The following MYO18B variants were observed in gnomAD, a reference collection of about 807,000 sequenced individuals.
MYO18B encodes unconventional myosin-XVIIIb.
A neutral mutation model predicts 273.0 loss-of-function variants in MYO18B; 204 were observed. The ratio of observed to expected loss-of-function variants is 0.75; its 90% CI spans 0.67 to 0.84. The LOEUF is 0.84. Among genes scored for constraint, MYO18B ranks in the 40% least tolerant of loss-of-function variants. MYO18B has a pLI of 0.00. For synonymous variants in MYO18B, 1,330 were observed against 1,305.7 expected (o/e 1.02, Z -0.40); for missense variants, 3,212 against 3,287.6 (o/e 0.98, Z 0.56).
chr22:25,783,141 G>A (rs1324381074), intron 10 of MYO18B, among the ~76,000 whole-genome samples: 3 of 152,180 alleles, frequency 2.0e-5, no homozygotes, highest in African/African-American at 7.2e-5. Flanking sequence ...GTGTGTTCTT[G>A]TTTTTGGAGG....
chr22:25,771,785 T>A (rs183819102), intron 6 of MYO18B, among the ~76,000 whole-genome samples: 1 of 152,342 alleles, frequency 6.6e-6, no homozygotes, highest in East Asian at 1.9e-4. Context: ...AGGACGCCTC[T>A]TAGAACAGAT....
intron 34 of MYO18B, among the ~76,000 whole-genome samples, chr22:25,932,204 A>G (rs912927693): frequency 9.2e-5 from 14 of 152,310 alleles, no homozygotes; most frequent in Middle Eastern, 3.4e-3. Context: ...ACCCAGATTC[A>G]TCAACTTTTA....
At chr22:25,980,112 T>C (rs183487126) in intron 39 of MYO18B, among the ~76,000 whole-genome samples, 84 of 152,250 alleles carry the variant, frequency 5.5e-4, no homozygotes, top group Non-Finnish European at 9.9e-4. Context: ...TGCCACCCCG[T>C]GACTGAGCAA....
intron 39 of MYO18B, among the ~76,000 whole-genome samples, chr22:25,968,384 G>A (rs2093001612): frequency 6.6e-6 from 1 of 152,192 alleles, no homozygotes; most frequent in African/African-American, 2.4e-5. Flanking sequence ...GCCAGAAGGA[G>A]GAGAAATGGT....
chr22:26,009,533 C>T (rs969912251), intron 42 of MYO18B, among the ~76,000 whole-genome samples: 1 of 152,196 alleles, frequency 6.6e-6, no homozygotes, highest in Non-Finnish European at 1.5e-5. Context: ...CCTCAATTTA[C>T]TACAGCCCAG....
At chr22:25,855,964 G>A (rs1367902277) in intron 21 of MYO18B, among the ~76,000 whole-genome samples, 1 of 152,032 alleles carries the variant, frequency 6.6e-6, no homozygotes, top group African/African-American at 2.4e-5. Flanking sequence ...TACGCAATAG[G>A]TAGTTTTTCA....
chr22:25,987,370 C>G lies in MYO18B; in HGVS notation c.6157-4993C>G, dbSNP rs5997012. On this transcript the variant is annotated intron_variant, in intron 39 of 43. Coordinates refer to ENST00000335473, the MANE Select transcript of MYO18B (RefSeq NM_032608.7). ...CAGAGGGAGTAGCCCGGGGGTTTAA[C>G]AAGAAATCATAGTTCTCTCAAGTGA... is the stretch of plus-strand genomic sequence containing the variant. Among the ~76,000 whole-genome samples the G allele has an allele frequency of 3.4e-3, 512 of 152,218 alleles. 5 individuals carry two copies. The highest frequency in any genetic ancestry group is 0.012 in the African/African-American group (488 of 41,536).
At chr22:25,847,286 G>A (rs1214799638) in intron 19 of MYO18B, 144 bp from the exon 20 acceptor site, 4 of 636,288 alleles carry the variant, frequency 6.3e-6, no homozygotes, top group Non-Finnish European at 1.1e-5. Flanking sequence ...GCACAAATCA[G>A]GCTGTAGGTG....
At chr22:25,924,430 G>A (rs1444921667) in intron 34 of MYO18B, among the ~76,000 whole-genome samples, 3 of 152,174 alleles carry the variant, frequency 2.0e-5, no homozygotes, top group South Asian at 2.1e-4. Context: ...GTGAGACAGC[G>A]GTGGTACCCA....
chr22:25,903,720 G>A lies in MYO18B; in HGVS notation c.5037G>A (p.Gly1679=), dbSNP rs1197611598. 6.2e-7 allele frequency: 1 copy of A among 1,607,890 alleles called. No homozygotes were observed. Among genetic ancestry groups the A allele is most frequent in the African/African-American group, 1.3e-5 (1 of 74,818 alleles). Residue 1679 remains glycine (G), a synonymous_variant, in exon 31 of 44, where the codon GGG becomes GGA. Coordinates refer to ENST00000335473, the MANE Select transcript of MYO18B (RefSeq NM_032608.7). ...KRELLGSPSL[G]ENCVAGLKER... Reference sequence around the variant, plus strand: ...AGCTGCTGGGGTCACCCTCTCTGGGGGAAAATTGCGTTGCTGGCTTGAAGG... The same window carrying A: ...AGCTGCTGGGGTCACCCTCTCTGGGAGAAAATTGCGTTGCTGGCTTGAAGG...
In MYO18B at chr22:25,913,310, C is replaced by T. The variant is rs146097024; in HGVS notation, c.5364+2260C>T. On this transcript the variant is annotated intron_variant, in intron 33 of 43. Coordinates refer to ENST00000335473, the MANE Select transcript of MYO18B (RefSeq NM_032608.7). ...AGGCATCGGGTGCTAAATGGTATTG[C>T]GTGGCCCTCCACAGGGATGCTGTGC... Among the ~76,000 whole-genome samples the T allele has an allele frequency of 1.1e-3, 165 of 152,344 alleles. 1 individual carries two copies. Among genetic ancestry groups the T allele is most frequent in the African/African-American group, 3.7e-3 (153 of 41,578 alleles).
Position 26,027,616 on chromosome 22 carries a change from C to A in MYO18B, c.7642C>A (p.Pro2548Thr). The A allele has an allele frequency of 6.2e-7, 1 of 1,613,774 alleles. No homozygotes were observed. The highest frequency in any genetic ancestry group is 2.2e-5 in the East Asian group (1 of 44,854). The change falls in exon 43 of 44, where the codon CCA (proline) becomes ACA (threonine). Residue 2548 changes from proline to threonine, a missense_variant. By Grantham distance (38) the Pro-to-Thr change is conservative. Coordinates refer to ENST00000335473, the MANE Select transcript of MYO18B (RefSeq NM_032608.7). The surrounding 1 kb of genome is among the most constrained non-coding windows in gnomAD (Gnocchi z 4.1). ...GERTSPERREPGTGRKDDDVA... is the reference protein window; with the variant it reads ...GERTSPERRETGTGRKDDDVA... Reference sequence around the variant, plus strand: ...GCGAACGTCCCCCGAGCGGAGAGAGCCAGGGACGGGGAGGAAAGACGACGA... The same window carrying A: ...GCGAACGTCCCCCGAGCGGAGAGAGACAGGGACGGGGAGGAAAGACGACGA...
intron 33 of MYO18B, among the ~76,000 whole-genome samples, chr22:25,916,848 A>G (rs2092268588): frequency 6.6e-6 from 1 of 152,210 alleles, no homozygotes; most frequent in South Asian, 2.1e-4. Flanking sequence ...CCTGACCAAC[A>G]TGGTGAAACC....
At chr22:25,787,578 G>A (rs949583666) in intron 11 of MYO18B, among the ~76,000 whole-genome samples, 4 of 152,102 alleles carry the variant, frequency 2.6e-5, no homozygotes, top group African/African-American at 9.7e-5. Context: ...GGAGAGTTGG[G>A]GGCATATCAG....
intron 10 of MYO18B, among the ~76,000 whole-genome samples, chr22:25,784,346 A>G (rs541878337): frequency 2.0e-5 from 3 of 152,360 alleles, no homozygotes; most frequent in Admixed American, 2.0e-4. Context: ...ACTCCATGCC[A>G]GCCTGGCAGT....
At position 25,761,075 on chromosome 22, in the gene MYO18B, C is replaced by T; in HGVS notation, c.-18C>T. 6.2e-7 allele frequency: 1 copy of T among 1,613,308 alleles called. No homozygotes were observed. The highest frequency in any genetic ancestry group is 8.5e-7 in the Non-Finnish European group (1 of 1,179,812). ...TCCATCTCATCTCATCATCTCACGGCCCTGGCACTGCCTCAGCATGGCCAT... is the reference window on the plus strand; with the variant it reads ...TCCATCTCATCTCATCATCTCACGGTCCTGGCACTGCCTCAGCATGGCCAT... On this transcript the variant is annotated 5_prime_UTR_variant, in exon 2 of 44. Transcript: ENST00000335473.
chr22:25,781,678 G>A, intron 9 of MYO18B, 56 bp from the exon 10 acceptor site: 1 of 1,163,798 alleles, frequency 8.6e-7, no homozygotes. Context: ...CTGCACTTCA[G>A]GCATGTGCAG....
chr22:25,898,120 A>C, intron 28 of MYO18B, 187 bp from the exon 29 acceptor site: 1 of 587,534 alleles, frequency 1.7e-6, no homozygotes, highest in Non-Finnish European at 2.9e-6. Flanking sequence ...CTCTGAGCAA[A>C]CTGAGGCTCA....
At chr22:26,034,793 G>A (rs940647356), downstream of MYO18B, among the ~76,000 whole-genome samples, 1 of 152,204 alleles carries the variant, frequency 6.6e-6, no homozygotes, top group Non-Finnish European at 1.5e-5. Flanking sequence ...TAATTTTACA[G>A]GTGGGGAAAA....
Sources: gnomAD v4.1 joint callset for allele counts (sites outside exome capture counted in the v4.1 genomes callset) on GRCh38, gnomAD v4.1.1 for gene constraint, Gnocchi (gnomAD v3.1) non-coding constraint, MANE v1.5 for transcripts, NCBI Gene and HGNC (gene_info 2026-07-23, HGNC 2026-07-21) for gene names.